CACNA1E: variants seen among roughly 807,000 people sequenced by gnomAD.
CACNA1E encodes the protein calcium voltage-gated channel subunit alpha1 E.
Under a neutral mutation model 259.2 loss-of-function variants are expected in CACNA1E, and 40 were observed. The observed-to-expected ratio is 0.15, with a 90% confidence interval of 0.12 to 0.20. CACNA1E has a LOEUF of 0.20. Among genes scored for constraint, CACNA1E ranks in the 10% least tolerant of loss-of-function variants. The pLI is 1.00. For synonymous variants in CACNA1E, 1,104 were observed against 1,138.5 expected (o/e 0.97, Z 0.61); for missense variants, 1,874 against 3,040.1 (o/e 0.62, Z 9.02).
intron 1 of CACNA1E, among the ~76,000 whole-genome samples, chr1:181,403,205 T>C (rs1222178380): frequency 1.3e-5 from 2 of 152,024 alleles, no homozygotes; most frequent in East Asian, 3.8e-4. Flanking sequence ...ACAGTAATAG[T>C]TATTTCATAA....
intron 1 of CACNA1E, among the ~76,000 whole-genome samples, chr1:181,329,176 C>T (rs1340415090): frequency 6.6e-6 from 1 of 152,120 alleles, no homozygotes; most frequent in Non-Finnish European, 1.5e-5. Flanking sequence ...ATTATGAAAG[C>T]CTGTCCACCT....
At chr1:181,706,074 C>T (rs1001979680) in intron 7 of CACNA1E, among the ~76,000 whole-genome samples, 4 of 152,138 alleles carry the variant, frequency 2.6e-5, no homozygotes, top group Non-Finnish European at 4.4e-5. Flanking sequence ...ATTACCTATC[C>T]TCTTACCTTA....
chr1:181,795,726 C>T (rs917328053), intron 46 of CACNA1E, among the ~76,000 whole-genome samples: 3 of 144,124 alleles, frequency 2.1e-5, no homozygotes, highest in Admixed American at 7.0e-5. Flanking sequence ...AGGCGTGAGC[C>T]GCTGCACCTG....
chr1:181,332,407 A>G (rs1247714395), intron 1 of CACNA1E, among the ~76,000 whole-genome samples: 1 of 152,226 alleles, frequency 6.6e-6, no homozygotes, highest in Non-Finnish European at 1.5e-5. Context: ...ATAATGAAAC[A>G]TAGTTCAATT....
chr1:181,694,831 C>G (rs1558275077), intron 7 of CACNA1E, among the ~76,000 whole-genome samples: 2 of 152,070 alleles, frequency 1.3e-5, no homozygotes. Flanking sequence ...AGGACTTTCA[C>G]TTTTACCACT....
chr1:181,694,757 C>A (rs1407225815), intron 7 of CACNA1E, among the ~76,000 whole-genome samples: 4 of 152,154 alleles, frequency 2.6e-5, no homozygotes, highest in Non-Finnish European at 5.9e-5. Context: ...CTATAAAAAA[C>A]CTACAGCCAG....
intron 3 of CACNA1E, among the ~76,000 whole-genome samples, chr1:181,517,145 T>C (rs574647385): frequency 5.6e-4 from 86 of 152,292 alleles, no homozygotes; most frequent in Non-Finnish European, 1.1e-3. Context: ...CCTGGGGCAC[T>C]GGGGAAAGCT....
At position 181,651,464 on chromosome 1, in the gene CACNA1E, C is replaced by T. The variant is rs1658749650; in HGVS notation, c.1055+23C>T. Reference sequence around the variant, plus strand: ...CGGGTGAGCCAGATGTTTCTCTCTTCTTAACTCATTTGCTGACTGCTAACT... The same window carrying T: ...CGGGTGAGCCAGATGTTTCTCTCTTTTTAACTCATTTGCTGACTGCTAACT... On this transcript the variant is annotated intron_variant, in intron 7 of 47. Transcript: ENST00000367573. 9 of 1,535,004 alleles carry T rather than the reference C, an allele frequency of 5.9e-6. No individual in the cohort carries two copies. In the South Asian group the frequency reaches 7.8e-5, roughly 13 times the overall value.
chr1:181,562,599 C>T (rs1240899075), intron 3 of CACNA1E, among the ~76,000 whole-genome samples: 2 of 152,104 alleles, frequency 1.3e-5, no homozygotes, highest in Non-Finnish European at 2.9e-5. Flanking sequence ...CTTTCACTTT[C>T]GGAGGTCACG....
At chr1:181,547,188 C>T (rs1297834743) in intron 3 of CACNA1E, among the ~76,000 whole-genome samples, 1 of 152,194 alleles carries the variant, frequency 6.6e-6, no homozygotes, top group Non-Finnish European at 1.5e-5. Flanking sequence ...TGAAGCCTTC[C>T]TCAGCACTGA....
chr1:181,399,547 G>A (rs1656935670), intron 1 of CACNA1E, among the ~76,000 whole-genome samples: 1 of 152,226 alleles, frequency 6.6e-6, no homozygotes. Flanking sequence ...GGTGGTGGGG[G>A]AAAGAGGGTG....
chr1:181,669,334 C>T (rs925939761), intron 7 of CACNA1E, among the ~76,000 whole-genome samples: 15 of 152,166 alleles, frequency 9.9e-5, no homozygotes, highest in African/African-American at 2.7e-4. Context: ...CTCAATTCAA[C>T]GATTCCTCTG....
chr1:181,578,690 A>G (rs1651220539), intron 4 of CACNA1E, among the ~76,000 whole-genome samples: 1 of 152,274 alleles, frequency 6.6e-6, no homozygotes, highest in Non-Finnish European at 1.5e-5. Flanking sequence ...AATGTGCTGC[A>G]ACAAACACCT....
intron 1 of CACNA1E, among the ~76,000 whole-genome samples, chr1:181,318,621 C>T (rs2102549561): frequency 6.6e-6 from 1 of 152,318 alleles, no homozygotes; most frequent in Non-Finnish European, 1.5e-5. Context: ...TCAGCAGGTC[C>T]CCGGCTTCGG....
In CACNA1E at chr1:181,399,555, G is replaced by A. The variant is rs548405868; in HGVS notation, c.-14-13578G>A. Among the ~76,000 whole-genome samples the A allele has an allele frequency of 2.0e-5, 3 of 152,348 alleles. No individual in the cohort carries two copies. The East Asian group carries it at 5.8e-4, about 29-fold the overall frequency. On this transcript the variant is annotated intron_variant, in intron 1 of 11. Coordinates refer to the CACNA1E transcript ENST00000524607. ...TTGCTTGGGTGGTGGGGGAAAGAGG[G>A]TGGTAATGAAATAGTGAAATCCCTG...
intron 3 of CACNA1E, among the ~76,000 whole-genome samples, chr1:181,546,820 G>T (rs1217074131): frequency 6.6e-6 from 1 of 152,182 alleles, no homozygotes; most frequent in Admixed American, 6.5e-5. Context: ...AGGGGATTTG[G>T]TGTCTGGTGT....
At chr1:181,491,790 A>G (rs75505071) in intron 1 of CACNA1E, among the ~76,000 whole-genome samples, 1 of 152,232 alleles carries the variant, frequency 6.6e-6, no homozygotes, top group Non-Finnish European at 1.5e-5. Context: ...ACATGCACCC[A>G]TTTAATTCCA....
chr1:181,660,587 A>C (rs1370096512), intron 7 of CACNA1E, among the ~76,000 whole-genome samples: 2 of 152,220 alleles, frequency 1.3e-5, no homozygotes, highest in Admixed American at 6.5e-5. Flanking sequence ...TTCAGTGTTA[A>C]ACCTTGCATC....
At chr1:181,369,769 C>T (rs1181227672) in intron 1 of CACNA1E, among the ~76,000 whole-genome samples, 1 of 152,156 alleles carries the variant, frequency 6.6e-6, no homozygotes, top group African/African-American at 2.4e-5. Context: ...GGGAGAAACA[C>T]CCTTGGTAGG....
Sources: gnomAD v4.1 joint callset for allele counts (sites outside exome capture counted in the v4.1 genomes callset) on GRCh38, gnomAD v4.1.1 for gene constraint, MANE v1.5 for transcripts, NCBI Gene and HGNC (gene_info 2026-07-23, HGNC 2026-07-21) for gene names.